KAZN: variants seen among roughly 807,000 people sequenced by gnomAD.
The protein encoded by KAZN is kazrin, periplakin interacting protein.
A neutral mutation model predicts 87.4 loss-of-function variants in KAZN; 40 were observed. The observed-to-expected ratio is 0.46, with a 90% CI of 0.36 to 0.60. KAZN has a LOEUF of 0.60. Ranked by LOEUF, KAZN falls within the 20% of genes least tolerant of loss-of-function variation. The pLI, the probability that KAZN is intolerant of heterozygous loss-of-function variation, is 0.00. For synonymous variants in KAZN, 466 were observed against 458.3 expected (o/e 1.02, Z -0.22); for missense variants, 898 against 1,073.9 (o/e 0.84, Z 2.29).
chr1:15,051,765 C>G (rs1674432581), intron 4 of KAZN, among the ~76,000 whole-genome samples: 1 of 152,210 alleles, frequency 6.6e-6, no homozygotes, highest in Non-Finnish European at 1.5e-5. Context: ...GCCACCTCAT[C>G]ACACAACTCC....
intron 1 of KAZN, among the ~76,000 whole-genome samples, chr1:14,691,804 T>C (rs1641327839): frequency 6.6e-6 from 1 of 152,192 alleles, no homozygotes. Context: ...TCTTCATCTT[T>C]AAACATCATT....
At chr1:14,961,484 G>T (rs945827702) in intron 2 of KAZN, among the ~76,000 whole-genome samples, 11 of 152,148 alleles carry the variant, frequency 7.2e-5, no homozygotes, top group African/African-American at 2.7e-4. Flanking sequence ...TTCCCTGGAG[G>T]GACCCACATC....
intron 2 of KAZN, among the ~76,000 whole-genome samples, chr1:14,537,157 C>T (rs908771332): frequency 6.6e-6 from 1 of 152,218 alleles, no homozygotes; most frequent in Non-Finnish European, 1.5e-5. Flanking sequence ...CTCCAAATAA[C>T]CGTCCACAGA....
At chr1:14,711,499 T>C (rs1197537108) in intron 1 of KAZN, among the ~76,000 whole-genome samples, 1 of 152,176 alleles carries the variant, frequency 6.6e-6, no homozygotes, top group Non-Finnish European at 1.5e-5. Flanking sequence ...CTTCCGCTGG[T>C]GTTCACATCC....
intron 1 of KAZN, among the ~76,000 whole-genome samples, chr1:14,099,249 AGGGT>A (rs1485831108): frequency 6.6e-6 from 1 of 152,162 alleles, no homozygotes; most frequent in Non-Finnish European, 1.5e-5. Context: ...GTGCAGGGAC[AGGGT>A]GGGGGAAGAA....
chr1:14,790,405 T>C (rs1234551676), intron 1 of KAZN, among the ~76,000 whole-genome samples: 1 of 152,188 alleles, frequency 6.6e-6, no homozygotes, highest in Non-Finnish European at 1.5e-5. Context: ...ATTCATTTAC[T>C]GGAAAATGTA....
At position 14,011,950 on chromosome 1, in the gene KAZN, G is replaced by T. The variant is rs558522911; in HGVS notation, c.91+118194G>T. Among the ~76,000 whole-genome samples the T allele has an allele frequency of 3.9e-5, 6 of 152,244 alleles. No homozygotes were observed. The South Asian group carries it at 6.2e-4, about 16-fold the overall frequency. Reference sequence around the variant, plus strand: ...TGGGCATGGTTCTACCTTTTAGGGGGTGTTTGGAAATGATTGGGGATATGC... The same window carrying T: ...TGGGCATGGTTCTACCTTTTAGGGGTTGTTTGGAAATGATTGGGGATATGC... On this transcript the variant is annotated intron_variant, in intron 1 of 16. Transcript: ENST00000636203.
At chr1:13,978,271 C>T (rs1195309472) in intron 1 of KAZN, among the ~76,000 whole-genome samples, 1 of 151,968 alleles carries the variant, frequency 6.6e-6, no homozygotes, top group Non-Finnish European at 1.5e-5. Flanking sequence ...TAGCTAGAGC[C>T]TACGTAGTTT....
At chr1:13,925,533 C>T (rs929924978) in intron 1 of KAZN, among the ~76,000 whole-genome samples, 16 of 150,444 alleles carry the variant, frequency 1.1e-4, no homozygotes, top group African/African-American at 3.2e-4. Context: ...AAAGACCCTG[C>T]GATAGATTAA....
intron 1 of KAZN, among the ~76,000 whole-genome samples, chr1:14,715,123 G>T (rs565820799): frequency 8.2e-4 from 124 of 151,972 alleles, no homozygotes; most frequent in Non-Finnish European, 1.5e-3. Flanking sequence ...TAAGAGACAG[G>T]GTCTCACTCT....
At position 14,476,321 on chromosome 1, in the gene KAZN, A is replaced by G. The variant is rs141372553; in HGVS notation, c.250-122662A>G. ...GCCCTTGGTCTCAAATAGTTTTGCA[A>G]TTTCTTGCCCAATTTTCAAGTGAAC... On this transcript the variant is annotated intron_variant, in intron 2 of 16. Transcript: ENST00000636203. Among the ~76,000 whole-genome samples, 27 of 152,264 alleles carry G rather than the reference A, an allele frequency of 1.8e-4. No homozygotes were observed. The East Asian group carries it at 5.2e-3, about 29-fold the overall frequency.
At chr1:14,746,838 T>C (rs1022029924) in intron 1 of KAZN, among the ~76,000 whole-genome samples, 1 of 152,232 alleles carries the variant, frequency 6.6e-6, no homozygotes, top group African/African-American at 2.4e-5. Flanking sequence ...ATTTTATATG[T>C]TGGTGGCAAA....
rs375065324 is a variant in KAZN at position 14,780,914 on chromosome 1, C to T, written c.227-179770C>T. On this transcript the variant is annotated intron_variant, in intron 1 of 14. Coordinates refer to ENST00000376030, the MANE Select transcript of KAZN (RefSeq NM_201628.3). Reference sequence around the variant, plus strand: ...TGGAGGAGAGAAGAAGCAGAGGATTCGGTGTTCGGAAACAGCAAAATCCCT... The same window carrying T: ...TGGAGGAGAGAAGAAGCAGAGGATTTGGTGTTCGGAAACAGCAAAATCCCT... 5.9e-5 allele frequency among the ~76,000 whole-genome samples: 9 copies of T among 152,258 alleles called. No homozygotes were observed. In the South Asian group the frequency reaches 8.3e-4, roughly 14 times the overall value.
At chr1:15,106,802 A>G (rs1416236973) in intron 13 of KAZN, among the ~76,000 whole-genome samples, 3 of 152,144 alleles carry the variant, frequency 2.0e-5, no homozygotes, top group African/African-American at 7.2e-5. Context: ...CTGCTTTGAC[A>G]CACACTGACT....
intron 1 of KAZN, among the ~76,000 whole-genome samples, chr1:13,924,785 A>G (rs1479707339): frequency 6.6e-6 from 1 of 152,164 alleles, no homozygotes; most frequent in Non-Finnish European, 1.5e-5. Context: ...TTTTTCCCCA[A>G]AATGTATAAA....
chr1:15,036,389 C>T (rs554441981), intron 3 of KAZN, among the ~76,000 whole-genome samples: 62 of 117,768 alleles, frequency 5.3e-4, no homozygotes, highest in African/African-American at 2.0e-3. Context: ...CTGCCCAGCT[C>T]CCCCTGCCCT....
chr1:14,325,452 G>A (rs776336593), intron 2 of KAZN, among the ~76,000 whole-genome samples: 17 of 152,062 alleles, frequency 1.1e-4, no homozygotes, highest in South Asian at 4.2e-4. Context: ...CATCTGACAT[G>A]ACCTCTGAGC....
chr1:14,156,167 A>G (rs1344757564), intron 1 of KAZN, among the ~76,000 whole-genome samples: 1 of 151,992 alleles, frequency 6.6e-6, no homozygotes, highest in African/African-American at 2.4e-5. Context: ...CTTGTTATTG[A>G]TTTCTAGTTT....
chr1:14,562,015 C>T (rs980909083), intron 2 of KAZN, among the ~76,000 whole-genome samples: 1 of 152,124 alleles, frequency 6.6e-6, no homozygotes, highest in Non-Finnish European at 1.5e-5. Flanking sequence ...CTGGGAGACC[C>T]GTTTGCCTCC....
Sources: allele counts gnomAD v4.1 joint callset (sites outside exome capture counted in the v4.1 genomes callset), GRCh38; gene constraint gnomAD v4.1.1; transcripts MANE v1.5; gene names NCBI Gene and HGNC (gene_info 2026-07-23, HGNC 2026-07-21).